Variants in TXNRD2 observed in about 807,000 individuals in gnomAD.
The protein encoded by TXNRD2 is thioredoxin reductase 2, also known as thioredoxin reductase 2, mitochondrial.
Under a neutral mutation model 70.8 loss-of-function variants are expected in TXNRD2, and 67 were observed. The ratio of observed to expected loss-of-function variants is 0.95; its 90% confidence interval spans 0.78 to 1.16. The LOEUF (loss-of-function observed/expected upper bound fraction) is 1.16, where lower values mean the gene tolerates loss of function less well. Among genes scored for constraint, TXNRD2 ranks in the 50% most tolerant of loss-of-function variants. The pLI is 0.00. For synonymous variants in TXNRD2, 301 were observed against 295.8 expected (o/e 1.02, Z -0.18); for missense variants, 644 against 719.9 (o/e 0.89, Z 1.21).
intron 3 of TXNRD2, 45 bp from the exon 4 acceptor site, chr22:19,919,049 G>C (rs1464897286): frequency 6.3e-7 from 1 of 1,588,368 alleles, no homozygotes; most frequent in South Asian, 1.1e-5. Context: ...TCAGGTGACT[G>C]CTGGAGGCTT....
chr22:19,912,541 G>T (rs184646854), intron 7 of TXNRD2, among the ~76,000 whole-genome samples: 1 of 152,222 alleles, frequency 6.6e-6, no homozygotes, highest in Non-Finnish European at 1.5e-5. Context: ...TCTGCCTGGG[G>T]CCTCAGAGAA....
rs1940212765 is a variant in TXNRD2 at position 19,909,317 on chromosome 22, C to G, written c.662+2060G>C. Among the ~76,000 whole-genome samples, 3 of 151,920 alleles carry G rather than the reference C, an allele frequency of 2.0e-5. No homozygotes were observed. In the South Asian group the frequency reaches 6.2e-4, roughly 32 times the overall value. ...GCACTTCTGATGGTAAACAGATGCA[C>G]CTCCAAGGTTTTCACTGCAGCATTG... On this transcript the variant is annotated intron_variant, in intron 8 of 17. Coordinates refer to ENST00000400521, the MANE Select transcript of TXNRD2 (RefSeq NM_006440.5).
At chr22:19,883,556 G>A in intron 11 of TXNRD2, 95 bp from the exon 12 acceptor site, 1 of 1,575,948 alleles carries the variant, frequency 6.3e-7, no homozygotes, top group Admixed American at 1.7e-5. Flanking sequence ...TCCACTTAGA[G>A]ACCGGGTGCA....
At chr22:19,897,746 G>A (rs1036425872) in intron 10 of TXNRD2, among the ~76,000 whole-genome samples, 2 of 152,300 alleles carry the variant, frequency 1.3e-5, no homozygotes, top group South Asian at 2.1e-4. Context: ...CTAATGGGAC[G>A]ACCCGGAGGG....
At chr22:19,919,079 T>C (rs958811971) in intron 3 of TXNRD2, 75 bp from the exon 4 acceptor site, 2 of 1,491,406 alleles carry the variant, frequency 1.3e-6, no homozygotes, top group South Asian at 1.2e-5. Flanking sequence ...TCTAGAGTGT[T>C]TGGAATTCCT....
At chr22:19,941,021 G>A (rs971275656) in intron 1 of TXNRD2, among the ~76,000 whole-genome samples, 5 of 152,182 alleles carry the variant, frequency 3.3e-5, no homozygotes, top group Non-Finnish European at 7.4e-5. Flanking sequence ...CCTGTGGGGA[G>A]AGCTGCTCGC....
At chr22:19,926,076 T>C (rs1364586181) in intron 2 of TXNRD2, among the ~76,000 whole-genome samples, 2 of 151,130 alleles carry the variant, frequency 1.3e-5, no homozygotes, top group African/African-American at 4.9e-5. Flanking sequence ...GGCAGGAGAA[T>C]TGCTTGAACC....
intron 5 of TXNRD2, 148 bp from the exon 6 acceptor site, chr22:19,915,991 C>A: frequency 1.4e-6 from 1 of 712,124 alleles, no homozygotes; most frequent in South Asian, 1.5e-5. Flanking sequence ...TAAGCGGCAA[C>A]CATGCTGAGA....
chr22:19,881,378 T>A, intron 12 of TXNRD2: 1 of 298,670 alleles, frequency 3.3e-6, no homozygotes, highest in Non-Finnish European at 6.1e-6. Context: ...CCAGCAGGCC[T>A]GACTAACTAC....
chr22:19,888,236 T>C (rs985480022), intron 11 of TXNRD2, among the ~76,000 whole-genome samples: 2 of 152,064 alleles, frequency 1.3e-5, no homozygotes, highest in Admixed American at 6.6e-5. Flanking sequence ...GCAGCCCTCC[T>C]CTGATCACAA....
In TXNRD2 at chr22:19,895,698, G is replaced by C. The variant is rs565525243; in HGVS notation, c.775-117C>G. On this transcript the variant is annotated intron_variant, in intron 10 of 17. Transcript: ENST00000400521. ...GCGGAGAGGGGTCTGTGCGGAAGAC[G>C]GGGTGAGACACCCTGCCCCCTGCTC... 4.3e-6 allele frequency: 5 copies of C among 1,167,228 alleles called. No homozygotes were observed. The Admixed American group carries it at 7.9e-5, about 18-fold the overall frequency. 72.3% of individuals were successfully genotyped at this position (1,167,228 alleles called of 1,614,324 possible).
At chr22:19,877,304 G>T (rs116583868) in intron 16 of TXNRD2, 70 bp from the exon 17 acceptor site, 10 of 1,394,260 alleles carry the variant, frequency 7.2e-6, no homozygotes, top group Non-Finnish European at 1.0e-5. Context: ...TCCCACCCCC[G>T]GGAAGAGGAG....
At chr22:19,899,382 C>T (rs190794527) in intron 8 of TXNRD2, among the ~76,000 whole-genome samples, 1 of 152,252 alleles carries the variant, frequency 6.6e-6, no homozygotes, top group Admixed American at 6.5e-5. Context: ...CTTCTCTCCC[C>T]CCGGGGCCTC....
At chr22:19,915,971 G>C in intron 5 of TXNRD2, 128 bp from the exon 6 acceptor site, 1 of 815,092 alleles carries the variant, frequency 1.2e-6, no homozygotes, top group Non-Finnish European at 2.0e-6. Context: ...GGCTCAGATG[G>C]ACCAAGAGGT....
chr22:19,915,155 C>G (rs946331768), intron 7 of TXNRD2, 59 bp downstream of exon 7: 16 of 1,559,078 alleles, frequency 1.0e-5, no homozygotes, highest in Non-Finnish European at 1.4e-5. Flanking sequence ...AAACGTATCC[C>G]TCAAAGAGGC....
rs373599407 is a variant in TXNRD2, at chr22:19,905,601, A to C, written c.662+5776T>G. Among the ~76,000 whole-genome samples, 3 of 152,270 alleles carry C rather than the reference A, an allele frequency of 2.0e-5. No individual in the cohort carries two copies. The South Asian group carries it at 6.2e-4, about 32-fold the overall frequency. Reference sequence around the variant, plus strand: ...TGCTGGGCTGCAGTGACCGTCACCGAAGACCCCAGTACATCGAGGGGCCCA... The same window carrying C: ...TGCTGGGCTGCAGTGACCGTCACCGCAGACCCCAGTACATCGAGGGGCCCA... On this transcript the variant is annotated intron_variant, in intron 8 of 17. Coordinates refer to ENST00000400521, the MANE Select transcript of TXNRD2 (RefSeq NM_006440.5).
At chr22:19,907,974 T>G (rs1372897203) in intron 8 of TXNRD2, among the ~76,000 whole-genome samples, 6 of 94,550 alleles carry the variant, frequency 6.3e-5, no homozygotes, top group Admixed American at 1.3e-4. Context: ...GCGCCGTGGG[T>G]AGCAGTGACA....
intron 12 of TXNRD2, among the ~76,000 whole-genome samples, chr22:19,882,870 C>T (rs1938844706): frequency 6.6e-6 from 1 of 152,258 alleles, no homozygotes; most frequent in Non-Finnish European, 1.5e-5. Flanking sequence ...CGGTGTGATG[C>T]CCAGAGAGGC....
intron 8 of TXNRD2, among the ~76,000 whole-genome samples, chr22:19,909,361 AACT>A (rs1372616263): frequency 6.6e-6 from 1 of 152,106 alleles, no homozygotes; most frequent in Non-Finnish European, 1.5e-5. Flanking sequence ...GAAGAAGAGA[AACT>A]ACTGAGATGC....
Sources: gnomAD v4.1 joint callset for allele counts (sites outside exome capture counted in the v4.1 genomes callset) on GRCh38, gnomAD v4.1.1 for gene constraint, MANE v1.5 for transcripts, NCBI Gene and HGNC (gene_info 2026-07-23, HGNC 2026-07-21) for gene names.